The following UGT1A7 variants were observed in gnomAD, a reference collection of about 807,000 sequenced individuals.
UGT1A7 encodes the protein UDP-glucuronosyltransferase 1A7.
Under a neutral mutation model 45.6 loss-of-function variants are expected in UGT1A7, and 33 were observed. That is an observed-to-expected ratio of 0.72 (90% CI 0.55 to 0.97). UGT1A7 has a LOEUF of 0.97. Among genes scored for constraint, UGT1A7 ranks in the 50% least tolerant of loss-of-function variants. UGT1A7 has a pLI of 0.00. For synonymous variants in UGT1A7, 274 were observed against 250.6 expected (o/e 1.09, Z -0.88); for missense variants, 684 against 666.2 (o/e 1.03, Z -0.29).
chr2:233,754,525 G>T (rs1133497), intron 1 of UGT1A7: 18 of 367,412 alleles, frequency 4.9e-5, no homozygotes, highest in East Asian at 2.2e-4. Flanking sequence ...GTGCTTAAAG[G>T]CAAATGTGGA....
chr2:233,716,731 A>G (rs28898604), intron 1 of UGT1A7, among the ~76,000 whole-genome samples: 1,732 of 152,296 alleles, frequency 0.011, 26 homozygotes, highest in African/African-American at 0.04. Context: ...TTATATGTTT[A>G]GCTCTGTGAG....
At chr2:233,729,228 GC>G in intron 1 of UGT1A7, 1 of 1,614,164 alleles carries the variant, frequency 6.2e-7, no homozygotes, top group African/African-American at 1.3e-5. Flanking sequence ...TGTTGGTGGT[GC>G]CCATTGATGG....
intron 4 of UGT1A7, 101 bp from the exon 5 acceptor site, chr2:233,772,161 T>C: frequency 6.4e-7 from 1 of 1,566,196 alleles, no homozygotes; most frequent in Non-Finnish European, 8.7e-7. Context: ...CTTTCCCAAG[T>C]TTGGAAAATC....
intron 1 of UGT1A7, among the ~76,000 whole-genome samples, chr2:233,757,986 C>T (rs2125961594): frequency 6.6e-6 from 1 of 152,224 alleles, no homozygotes; most frequent in South Asian, 2.1e-4. Context: ...GAGCACCATC[C>T]CCTGTAATTG....
chr2:233,695,265 A>G (rs1276719886), intron 1 of UGT1A7, among the ~76,000 whole-genome samples: 2 of 151,894 alleles, frequency 1.3e-5, no homozygotes, highest in African/African-American at 4.8e-5. Context: ...AGCTGGGACT[A>G]TAGGCATGTG....
chr2:233,730,058 A>C, intron 1 of UGT1A7: 3 of 1,611,656 alleles, frequency 1.9e-6, no homozygotes, highest in Non-Finnish European at 2.5e-6. Context: ...AAATGTATTT[A>C]TTTAAAATTG....
chr2:233,725,317 C>CT lies in UGT1A7; in HGVS notation c.856-41717_856-41716insT, dbSNP rs1559370683. Among the ~76,000 whole-genome samples, 2 of 37,458 alleles carry CT rather than the reference C, an allele frequency of 5.3e-5. 1 individual carries two copies. Among genetic ancestry groups the CT allele is most frequent in the African/African-American group, 6.3e-4 (2 of 3,170 alleles). 24.6% of individuals were successfully genotyped at this position (37,458 alleles called of 152,430 possible). A position where few individuals can be genotyped will look rare whatever the true frequency, so the allele number is the denominator to read the frequency against. On this transcript the variant is annotated intron_variant, in intron 1 of 4. Coordinates refer to ENST00000373426, the MANE Select transcript of UGT1A7 (RefSeq NM_019077.3). ...GCAGAGGCAGAGGCAGAGGCAGAGGCGCCTGGTCAACAATCTTAAGTCCAA... is the reference window on the plus strand; with the variant it reads ...GCAGAGGCAGAGGCAGAGGCAGAGGCTGCCTGGTCAACAATCTTAAGTCCAA...
At chr2:233,698,897 C>T (rs1008517495) in intron 1 of UGT1A7, among the ~76,000 whole-genome samples, 2 of 152,370 alleles carry the variant, frequency 1.3e-5, no homozygotes. Context: ...TACCTGCCTC[C>T]TCTGCCCAAG....
intron 1 of UGT1A7, chr2:233,718,781 G>A (rs767988524): frequency 3.7e-6 from 6 of 1,612,904 alleles, no homozygotes; most frequent in Non-Finnish European, 4.2e-6. Flanking sequence ...AGCAGGCACA[G>A]CGTGGGGTGG....
At chr2:233,743,793 C>A (rs768890081) in intron 1 of UGT1A7, 2 of 1,367,374 alleles carry the variant, frequency 1.5e-6, no homozygotes, top group Admixed American at 3.8e-5. Flanking sequence ...CTCCTCTCCG[C>A]TTCCTCCTTG....
intron 1 of UGT1A7, chr2:233,694,016 A>G: frequency 2.2e-6 from 3 of 1,386,912 alleles, no homozygotes; most frequent in South Asian, 2.7e-5. Flanking sequence ...GCGGGAACAC[A>G]TAGGAGACCT....
intron 1 of UGT1A7, chr2:233,747,525 C>A: frequency 6.2e-7 from 1 of 1,605,956 alleles, no homozygotes; most frequent in Non-Finnish European, 8.5e-7. Flanking sequence ...TGAAACAGAA[C>A]ATTTTCTGAA....
At chr2:233,729,100 A>G (rs2077792052) in intron 1 of UGT1A7, 1 of 1,612,718 alleles carries the variant, frequency 6.2e-7, no homozygotes, top group Non-Finnish European at 8.5e-7. Context: ...TGGGGTGGAC[A>G]GTCAGCTGTC....
intron 1 of UGT1A7, chr2:233,747,636 A>C: frequency 3.8e-6 from 6 of 1,581,726 alleles, no homozygotes; most frequent in East Asian, 2.2e-5. Context: ...CAGGCACCTG[A>C]ATGCTACTTC....
intron 1 of UGT1A7, among the ~76,000 whole-genome samples, chr2:233,684,147 C>T (rs1409199509): frequency 6.6e-6 from 1 of 152,182 alleles, no homozygotes; most frequent in East Asian, 1.9e-4. Context: ...CTTTGTAACA[C>T]AGTCACATTC....
At chr2:233,733,201 A>T (rs1269937689) in intron 1 of UGT1A7, among the ~76,000 whole-genome samples, 1 of 152,122 alleles carries the variant, frequency 6.6e-6, no homozygotes, top group Non-Finnish European at 1.5e-5. Flanking sequence ...GCTTAAGGAG[A>T]CTTTGGGCTG....
intron 1 of UGT1A7, chr2:233,693,062 C>T: frequency 6.2e-7 from 1 of 1,614,140 alleles, no homozygotes; most frequent in Non-Finnish European, 8.5e-7. Flanking sequence ...CTTCTTAGCA[C>T]TTTGGGGCAT....
At chr2:233,686,163 T>C (rs1162528711) in intron 1 of UGT1A7, among the ~76,000 whole-genome samples, 1 of 152,042 alleles carries the variant, frequency 6.6e-6, no homozygotes, top group African/African-American at 2.4e-5. Context: ...ATCAAAGACC[T>C]AAATAGAAAA....
At chr2:233,690,234 G>A (rs963789268) in intron 1 of UGT1A7, among the ~76,000 whole-genome samples, 1 of 152,128 alleles carries the variant, frequency 6.6e-6, no homozygotes, top group Non-Finnish European at 1.5e-5. Flanking sequence ...TCTAGATTCA[G>A]CAAATTTCTT....
Sources: gnomAD v4.1 joint callset for allele counts (sites outside exome capture counted in the v4.1 genomes callset) on GRCh38, gnomAD v4.1.1 for gene constraint, MANE v1.5 for transcripts, NCBI Gene and HGNC (gene_info 2026-07-23, HGNC 2026-07-21) for gene names.